The following STRN variants were observed in gnomAD, a reference collection of about 807,000 sequenced individuals.
STRN encodes the protein protein phosphatase 2 regulatory subunit B'''alpha.
A neutral mutation model predicts 96.3 loss-of-function variants in STRN; 53 were observed. That is an observed-to-expected ratio of 0.55 (90% CI 0.44 to 0.69). STRN has a LOEUF of 0.69. Among genes scored for constraint, STRN ranks in the 30% least tolerant of loss-of-function variants. The pLI is 0.00. For synonymous variants in STRN, 428 were observed against 355.9 expected (o/e 1.20, Z -2.28); for missense variants, 987 against 963.9 (o/e 1.02, Z -0.32).
At chr2:36,921,886 G>GAA (rs1670268973) in intron 2 of STRN, among the ~76,000 whole-genome samples, 1 of 151,914 alleles carries the variant, frequency 6.6e-6, no homozygotes, top group Non-Finnish European at 1.5e-5. Context: ...ACTAAATGCA[G>GAA]TATATATTTC....
At chr2:36,952,487 C>T (rs1664777553) in intron 1 of STRN, among the ~76,000 whole-genome samples, 1 of 150,102 alleles carries the variant, frequency 6.7e-6, no homozygotes, top group Admixed American at 6.6e-5. Context: ...TTTGCTTCTA[C>T]TTACCATGCC....
At chr2:36,933,364 G>A (rs1361147889) in intron 1 of STRN, among the ~76,000 whole-genome samples, 1 of 151,984 alleles carries the variant, frequency 6.6e-6, no homozygotes, top group Non-Finnish European at 1.5e-5. Flanking sequence ...GGAGTTCCCG[G>A]AACCAATACC....
At chr2:36,878,384 T>C (rs1668971460) in intron 9 of STRN, among the ~76,000 whole-genome samples, 1 of 152,222 alleles carries the variant, frequency 6.6e-6, no homozygotes, top group Non-Finnish European at 1.5e-5. Context: ...ACTAAATATA[T>C]GTACAAGTGC....
chr2:36,853,397 A>C (rs1668267917), intron 15 of STRN, among the ~76,000 whole-genome samples: 1 of 152,246 alleles, frequency 6.6e-6, no homozygotes, highest in Non-Finnish European at 1.5e-5. Flanking sequence ...TCTGAGAGAG[A>C]CGTTTCAGAG....
Position 36,846,416 on chromosome 2 carries a change from T to C in STRN, c.*3040A>G, listed in dbSNP as rs1327020893. On this transcript the variant is annotated 3_prime_UTR_variant, in exon 18 of 18. Coordinates refer to ENST00000263918, the MANE Select transcript of STRN (RefSeq NM_003162.4). ...ATATATATATATATATATATATATA[T>C]ATATATATATATAGTTTATATATTA... The C allele has an allele frequency of 1.9e-5, 2 of 102,964 alleles. No individual in the cohort carries two copies. Among genetic ancestry groups the C allele is most frequent in the East Asian group, 5.5e-4 (2 of 3,628 alleles). The allele number at this position is 102,964 out of a possible 1,614,324, so 6.4% of individuals were successfully genotyped here. A position where few individuals can be genotyped will look rare whatever the true frequency, so the allele number is the denominator to read the frequency against.
At chr2:36,937,342 CAAA>C (rs59891421) in intron 1 of STRN, among the ~76,000 whole-genome samples, 19 of 107,672 alleles carry the variant, frequency 1.8e-4, no homozygotes, top group Middle Eastern at 3.9e-3. Flanking sequence ...GAGACTGTCT[CAAA>C]AAAAAAAAAA....
At position 36,847,541 on chromosome 2, in the gene STRN, A is replaced by AT. The variant is rs1289990791; in HGVS notation, c.*1914dup. 3.3e-5 allele frequency: 5 copies of AT among 152,160 alleles called. No homozygotes were observed. Among genetic ancestry groups the AT allele is most frequent in the African/African-American group, 9.7e-5 (4 of 41,442 alleles). 9.4% of individuals were successfully genotyped at this position (152,160 alleles called of 1,614,324 possible). A position where few individuals can be genotyped will look rare whatever the true frequency, so the allele number is the denominator to read the frequency against. On this transcript the variant is annotated 3_prime_UTR_variant, in exon 18 of 18. Transcript: ENST00000263918. ...ATATTAAGTATTCACCTGACAGCTC[A>AT]TGTTTAGGTCAATTCATTTAATTAC... is the stretch of plus-strand genomic sequence containing the variant.
At chr2:36,952,836 C>T (rs1037463333) in intron 1 of STRN, among the ~76,000 whole-genome samples, 2 of 152,214 alleles carry the variant, frequency 1.3e-5, no homozygotes, top group Admixed American at 6.5e-5. Flanking sequence ...CTCCCTGTTC[C>T]CTCCTTTCAG....
chr2:36,934,953 C>T (rs1670666405), intron 1 of STRN, among the ~76,000 whole-genome samples: 1 of 152,212 alleles, frequency 6.6e-6, no homozygotes, highest in Admixed American at 6.5e-5. Context: ...TGGCTCAAAA[C>T]TGCAGCCCCA....
chr2:36,924,397 T>G (rs570205038), intron 2 of STRN, among the ~76,000 whole-genome samples: 2 of 149,312 alleles, frequency 1.3e-5, no homozygotes, highest in Admixed American at 6.7e-5. Context: ...CTTAACATAG[T>G]CTGCTGGAAC....
At chr2:36,863,895 G>A (rs1364561558) in intron 12 of STRN, among the ~76,000 whole-genome samples, 1 of 152,064 alleles carries the variant, frequency 6.6e-6, no homozygotes. Flanking sequence ...TATATTCCTA[G>A]TTATTTTATC....
At chr2:36,934,882 GC>G (rs1484247600) in intron 1 of STRN, among the ~76,000 whole-genome samples, 1 of 152,152 alleles carries the variant, frequency 6.6e-6, no homozygotes, top group Non-Finnish European at 1.5e-5. Context: ...TTTGAGTCCA[GC>G]CATGGGCAAG....
intron 1 of STRN, among the ~76,000 whole-genome samples, chr2:36,952,254 A>C (rs1191553869): frequency 1.3e-4 from 20 of 152,196 alleles, no homozygotes; most frequent in Admixed American, 1.1e-3. Flanking sequence ...ATCAACCACC[A>C]GTCTGGATGG....
rs70946958 is a variant in STRN, at chr2:36,888,639, A to ATGTGTGTGTGTGTGTG, written c.932-1829_932-1814dup. On this transcript the variant is annotated intron_variant, in intron 7 of 17. Transcript: ENST00000263918. The stretch of plus-strand genomic sequence containing the variant: ...TATATTTCATGGGTTTTTAATTTAT[A>ATGTGTGTGTGTGTGTG]TGTGTGTGTGTGTGTGTGTGTGTGT... 8.9e-4 allele frequency among the ~76,000 whole-genome samples: 129 copies of ATGTGTGTGTGTGTGTG among 145,230 alleles called. 1 individual carries two copies. The highest frequency in any genetic ancestry group is 1.8e-3 in the South Asian group (8 of 4,464).
chr2:36,959,877 T>A (rs1015977863), intron 1 of STRN, among the ~76,000 whole-genome samples: 1 of 152,228 alleles, frequency 6.6e-6, no homozygotes, highest in African/African-American at 2.4e-5. Context: ...TCTGATTTAA[T>A]TGATCTGGGG....
chr2:36,902,866 G>T, intron 4 of STRN, 115 bp from the exon 5 acceptor site: 1 of 781,230 alleles, frequency 1.3e-6, no homozygotes, highest in Non-Finnish European at 1.9e-6. Flanking sequence ...TAACAGTACA[G>T]TACTATGCTA....
At chr2:36,856,323 C>A (rs1668342214) in intron 14 of STRN, among the ~76,000 whole-genome samples, 1 of 152,182 alleles carries the variant, frequency 6.6e-6, no homozygotes, top group Non-Finnish European at 1.5e-5. Flanking sequence ...TAAGTCTCTA[C>A]ACACCTATAA....
chr2:36,867,302 AC>A (rs1336923924), intron 12 of STRN: 2 of 152,156 alleles, frequency 1.3e-5, no homozygotes, highest in Non-Finnish European at 2.9e-5. Flanking sequence ...ACCCTGGCCA[AC>A]AGTGTAAAAC....
At chr2:36,885,454 A>C (rs540651356) in intron 8 of STRN, among the ~76,000 whole-genome samples, 1 of 152,182 alleles carries the variant, frequency 6.6e-6, no homozygotes, top group East Asian at 1.9e-4. Flanking sequence ...ATGCTTGTTA[A>C]GATTAAATTG....
Sources: gnomAD v4.1 joint callset for allele counts (sites outside exome capture counted in the v4.1 genomes callset) on GRCh38, gnomAD v4.1.1 for gene constraint, MANE v1.5 for transcripts, NCBI Gene and HGNC (gene_info 2026-07-23, HGNC 2026-07-21) for gene names.